The following OTOGL variants were observed in gnomAD, a reference collection of about 807,000 sequenced individuals.
OTOGL encodes the protein otogelin like, also known as otogelin-like protein.
OTOGL carries 285 observed loss-of-function variants against 318.5 expected under a neutral mutation model. The ratio of observed to expected loss-of-function variants is 0.89; its 90% CI spans 0.81 to 0.99. The LOEUF (loss-of-function observed/expected upper bound fraction) is 0.99, where lower values mean the gene tolerates loss of function less well. OTOGL is among the 50% of genes least tolerant of loss of function. The pLI, the probability that OTOGL is intolerant of heterozygous loss-of-function variation, is 0.00. For missense variants in OTOGL, 2,899 were observed against 2,845.6 expected, an observed-to-expected ratio of 1.02 and a Z score of -0.43; for synonymous variants, 987 against 936.5, an observed-to-expected ratio of 1.05 and a Z score of -0.99.
intron 41 of OTOGL, 34 bp from the exon 42 acceptor site, chr12:80,336,878 A>G (rs1221396799): frequency 6.5e-7 from 1 of 1,542,066 alleles, no homozygotes; most frequent in African/African-American, 1.4e-5. Context: ...AATTGTGTTT[A>G]ACTCCGTAAA....
chr12:80,256,527 A>T, intron 17 of OTOGL, 67 bp downstream of exon 17: 1 of 1,500,706 alleles, frequency 6.7e-7, no homozygotes, highest in Non-Finnish European at 8.9e-7. Context: ...CAAACAACAC[A>T]CGCAAACAAA....
intron 33 of OTOGL, among the ~76,000 whole-genome samples, chr12:80,319,155 T>C (rs1887166961): frequency 6.6e-6 from 1 of 152,158 alleles, no homozygotes; most frequent in Non-Finnish European, 1.5e-5. Flanking sequence ...TCTGTTATTC[T>C]GTTATCCTTA....
intron 26 of OTOGL, among the ~76,000 whole-genome samples, chr12:80,289,372 G>A (rs1197234091): frequency 2.6e-5 from 4 of 152,178 alleles, no homozygotes; most frequent in Non-Finnish European, 5.9e-5. Flanking sequence ...AGGCACAGGG[G>A]TCAGGGACCC....
At chr12:80,124,744 G>T (rs1028256636) in intron 1 of OTOGL, among the ~76,000 whole-genome samples, 2 of 151,952 alleles carry the variant, frequency 1.3e-5, no homozygotes, top group Non-Finnish European at 2.9e-5. Flanking sequence ...TCCTTGAAGA[G>T]GTCCTTCACA....
intron 24 of OTOGL, among the ~76,000 whole-genome samples, chr12:80,277,303 T>G: frequency 6.8e-6 from 1 of 147,082 alleles, no homozygotes; most frequent in South Asian, 2.1e-4. Context: ...AAATCTTTAT[T>G]AAAACTTTTA....
chr12:80,267,206 T>C, intron 21 of OTOGL, 47 bp from the exon 22 acceptor site: 1 of 1,320,592 alleles, frequency 7.6e-7, no homozygotes, highest in Non-Finnish European at 1.0e-6. Context: ...TTTTAGTGGT[T>C]TTTGAAAAAA....
chr12:80,108,439 G>A (rs1869587252), intron 1 of OTOGL, among the ~76,000 whole-genome samples: 1 of 151,780 alleles, frequency 6.6e-6, no homozygotes, highest in Admixed American at 6.6e-5. Context: ...ATATCAAGAG[G>A]CATTTGTCCC....
At chr12:80,328,351 A>ACAC (rs1555298182) in intron 35 of OTOGL, among the ~76,000 whole-genome samples, 5 of 150,060 alleles carry the variant, frequency 3.3e-5, no homozygotes, top group African/African-American at 1.2e-4. Flanking sequence ...AACAACAACA[A>ACAC]CACCTTAATA....
chr12:80,196,886 G>T (rs536970327), intron 1 of OTOGL, among the ~76,000 whole-genome samples: 1 of 152,274 alleles, frequency 6.6e-6, no homozygotes, highest in African/African-American at 2.4e-5. Context: ...AGGCCATGAG[G>T]GGAAGGGGGT....
At chr12:80,221,886 A>G (rs1411994171) in intron 6 of OTOGL, among the ~76,000 whole-genome samples, 1 of 152,158 alleles carries the variant, frequency 6.6e-6, no homozygotes, top group Non-Finnish European at 1.5e-5. Flanking sequence ...TTTTCTTCAT[A>G]ACTACTTGGA....
intron 5 of OTOGL, 24 bp from the exon 6 acceptor site, chr12:80,219,790 C>CTTTTTTTTTTTTTTT: frequency 8.3e-7 from 1 of 1,201,526 alleles, no homozygotes. Flanking sequence ...CAGAAGATAA[C>CTTTTTTTTTTTTTTT]TTTTTTTTTT....
intron 30 of OTOGL, among the ~76,000 whole-genome samples, chr12:80,312,517 G>A (rs185348727): frequency 3.5e-4 from 53 of 152,160 alleles, no homozygotes; most frequent in African/African-American, 1.3e-3. Context: ...AACCTCTTTG[G>A]GGATCTCAGT....
At chr12:80,266,724 T>G in intron 21 of OTOGL, 108 bp downstream of exon 21, 1 of 1,132,118 alleles carries the variant, frequency 8.8e-7, no homozygotes, top group Middle Eastern at 3.1e-4. Context: ...CTTATTGTCT[T>G]TACTTTTTTT....
intron 1 of OTOGL, among the ~76,000 whole-genome samples, chr12:80,148,229 G>C (rs1174818874): frequency 1.3e-5 from 2 of 149,598 alleles, no homozygotes; most frequent in Non-Finnish European, 1.5e-5. Flanking sequence ...TCCTTCAGGA[G>C]CTCTTGTAGG....
At position 80,209,401 on chromosome 12, in the gene OTOGL, G is replaced by A; in HGVS notation, c.-19-12G>A. 7.2e-7 allele frequency: 1 copy of A among 1,396,478 alleles called. No homozygotes were observed. The highest frequency in any genetic ancestry group is 1.5e-5 in the South Asian group (1 of 67,636). The allele number at this position is 1,396,478 out of a possible 1,614,324, so 86.5% of individuals were successfully genotyped here. A position where few individuals can be genotyped will look rare whatever the true frequency, so the allele number is the denominator to read the frequency against. ...CATCATAATAAAGACCATCAATTTG[G>A]TTACATTTCAGGGGGAAAGGCTACA... On this transcript the variant is annotated splice_polypyrimidine_tract_variant and intron_variant, in intron 1 of 58. Transcript: ENST00000547103.
intron 1 of OTOGL, chr12:80,133,378 A>C (rs1218726297): frequency 6.6e-6 from 1 of 152,140 alleles, no homozygotes; most frequent in African/African-American, 2.4e-5. Flanking sequence ...TTATATATGA[A>C]ATTTACTTGA....
chr12:80,355,808 T>G lies in OTOGL; in HGVS notation c.5666T>G (p.Leu1889Arg), dbSNP rs1412245867. ...AATGGGGGCATTGATGAATGCACTC[T>G]ATACAAATGTTTGGAGAATGGAAGC... ...IWNGGIDECTLYKCLENGSII... is the reference protein window; with the variant it reads ...IWNGGIDECTRYKCLENGSII... The change falls in exon 47 of 59, where the codon CTA (leucine) becomes CGA (arginine). Residue 1889 changes from leucine to arginine, a missense_variant. Physicochemically the swap from Leu to Arg is moderately radical, Grantham distance 102. Coordinates refer to ENST00000547103, the MANE Select transcript of OTOGL (RefSeq NM_001378609.3). 3 of 1,613,926 alleles carry G rather than the reference T, an allele frequency of 1.9e-6. No individual in the cohort carries two copies. In the Middle Eastern group the frequency reaches 5.0e-4, roughly 266 times the overall value.
At chr12:80,244,270 C>G (rs1880663031) in intron 11 of OTOGL, among the ~76,000 whole-genome samples, 1 of 149,554 alleles carries the variant, frequency 6.7e-6, no homozygotes, top group South Asian at 2.1e-4. Context: ...GCTGCACCCA[C>G]TAACTCATCA....
chr12:80,129,128 C>T (rs767093803), intron 1 of OTOGL, among the ~76,000 whole-genome samples: 3 of 152,168 alleles, frequency 2.0e-5, no homozygotes, highest in Non-Finnish European at 4.4e-5. Context: ...ACTTCTGCGT[C>T]GCTCATGCTG....
Sources: gnomAD v4.1 joint callset for allele counts (sites outside exome capture counted in the v4.1 genomes callset) on GRCh38, gnomAD v4.1.1 for gene constraint, MANE v1.5 for transcripts, NCBI Gene and HGNC (gene_info 2026-07-23, HGNC 2026-07-21) for gene names.